The following COX10 variants were observed in gnomAD, a reference collection of about 807,000 sequenced individuals.
COX10 encodes the protein protoheme IX farnesyltransferase, mitochondrial.
In COX10, 27 loss-of-function variants were observed where a neutral mutation model predicts 37.3. The ratio of observed to expected loss-of-function variants is 0.72; its 90% CI spans 0.53 to 1.00. The LOEUF is 1.00. Ranked by LOEUF, COX10 falls within the 50% of genes least tolerant of loss-of-function variation. The pLI, the probability that COX10 is intolerant of heterozygous loss-of-function variation, is 0.00. For missense variants in COX10, 475 were observed against 563.2 expected, an observed-to-expected ratio of 0.84 and a Z score of 1.59; for synonymous variants, 222 against 229.1, an observed-to-expected ratio of 0.97 and a Z score of 0.28.
intron 4 of COX10, among the ~76,000 whole-genome samples, chr17:14,149,427 TG>T (rs1904825744): frequency 6.6e-6 from 1 of 152,180 alleles, no homozygotes; most frequent in African/African-American, 2.4e-5. Context: ...CTCACTTTTT[TG>T]TAATAAAATT....
At chr17:14,164,130 G>A (rs1269928629) in intron 5 of COX10, among the ~76,000 whole-genome samples, 1 of 152,180 alleles carries the variant, frequency 6.6e-6, no homozygotes, top group Non-Finnish European at 1.5e-5. Context: ...AAAGATAAAA[G>A]TTCTCAAGAT....
chr17:14,084,899 A>T (rs1441227689), intron 3 of COX10, among the ~76,000 whole-genome samples: 3 of 152,142 alleles, frequency 2.0e-5, no homozygotes, highest in Non-Finnish European at 2.9e-5. Flanking sequence ...ACCTCAGGTG[A>T]TCCACCTGCC....
In COX10 at chr17:14,162,739, T is replaced by C. The variant is rs571132790; in HGVS notation, c.695+2792T>C. ...TGGAAAATGTGAAGCAGTTCATATA[T>C]ACTTATTTGAAGATTTGGAGGACTT... On this transcript the variant is annotated intron_variant, in intron 5 of 6. Coordinates refer to ENST00000261643, the MANE Select transcript of COX10 (RefSeq NM_001303.4). Among the ~76,000 whole-genome samples the C allele has an allele frequency of 5.9e-5, 9 of 152,266 alleles. No individual in the cohort carries two copies. In the South Asian group the frequency reaches 1.9e-3, roughly 32 times the overall value.
chr17:14,154,379 T>A (rs1415902375), intron 4 of COX10, among the ~76,000 whole-genome samples: 1 of 152,250 alleles, frequency 6.6e-6, no homozygotes, highest in Non-Finnish European at 1.5e-5. Flanking sequence ...CATTGCTATG[T>A]TGTAAAATTA....
At chr17:14,196,190 G>C (rs1906361346) in intron 6 of COX10, among the ~76,000 whole-genome samples, 1 of 152,158 alleles carries the variant, frequency 6.6e-6, no homozygotes, top group African/African-American at 2.4e-5. Flanking sequence ...GTCAACTGGG[G>C]ACCTACTGTT....
chr17:14,096,683 G>A (rs941662512), intron 3 of COX10, among the ~76,000 whole-genome samples: 3 of 151,976 alleles, frequency 2.0e-5, no homozygotes, highest in African/African-American at 7.2e-5. Context: ...AAATTTTTTT[G>A]TTTTGTTTTG....
At chr17:14,205,082 A>G (rs896508854) in intron 6 of COX10, among the ~76,000 whole-genome samples, 13 of 152,128 alleles carry the variant, frequency 8.5e-5, no homozygotes, top group Non-Finnish European at 1.6e-4. Flanking sequence ...ACTCCAGCCA[A>G]CCTTGTCCTG....
At chr17:14,085,698 C>A (rs551217841) in intron 3 of COX10, among the ~76,000 whole-genome samples, 29 of 152,096 alleles carry the variant, frequency 1.9e-4, no homozygotes, top group Admixed American at 1.8e-3. Flanking sequence ...AATAAATAAG[C>A]TAAATCTATA....
At chr17:14,123,962 T>G (rs1916280773) in intron 4 of COX10, among the ~76,000 whole-genome samples, 1 of 152,184 alleles carries the variant, frequency 6.6e-6, no homozygotes, top group East Asian at 1.9e-4. Context: ...TCCATATTAG[T>G]AGTACCCAGC....
chr17:14,121,432 A>G (rs951166615), intron 4 of COX10, among the ~76,000 whole-genome samples: 2 of 152,208 alleles, frequency 1.3e-5, no homozygotes, highest in African/African-American at 2.4e-5. Context: ...CCTAATAATT[A>G]AAGTGACAAT....
intron 5 of COX10, among the ~76,000 whole-genome samples, chr17:14,168,321 A>G (rs1905350291): frequency 6.6e-6 from 1 of 152,332 alleles, no homozygotes; most frequent in East Asian, 1.9e-4. Flanking sequence ...TACAGCCCTC[A>G]TGGCTGCTTT....
intron 5 of COX10, among the ~76,000 whole-genome samples, chr17:14,168,050 T>C (rs1387785554): frequency 6.6e-6 from 1 of 152,176 alleles, no homozygotes; most frequent in Non-Finnish European, 1.5e-5. Flanking sequence ...TATGAGCCTA[T>C]AAATTCAAAA....
chr17:14,185,773 C>A (rs1388524156), intron 5 of COX10, among the ~76,000 whole-genome samples: 1 of 148,380 alleles, frequency 6.7e-6, no homozygotes, highest in Non-Finnish European at 1.5e-5. Context: ...TTTCCTCTGC[C>A]TTATTTCAAA....
At chr17:14,137,678 A>T (rs1214455972) in intron 4 of COX10, among the ~76,000 whole-genome samples, 3 of 144,484 alleles carry the variant, frequency 2.1e-5, no homozygotes, top group Non-Finnish European at 3.1e-5. Context: ...TTTCCGACTC[A>T]TATATAGGCT....
intron 3 of COX10, among the ~76,000 whole-genome samples, chr17:14,095,896 G>T (rs1035939169): frequency 6.6e-6 from 1 of 152,140 alleles, no homozygotes; most frequent in African/African-American, 2.4e-5. Context: ...GTGGAGGTTT[G>T]CTTTCTTCTC....
intron 4 of COX10, among the ~76,000 whole-genome samples, chr17:14,104,652 T>C: frequency 6.6e-6 from 1 of 152,244 alleles, no homozygotes. Context: ...ATTTTGTATT[T>C]ATTAATATTT....
rs139528282 is a variant in COX10, at chr17:14,191,857, C to A, written c.696-132C>A. 0.017 allele frequency: 14,785 copies of A among 882,120 alleles called. 138 individuals carry two copies. The highest frequency in any genetic ancestry group is 0.034 in the African/African-American group (2,069 of 61,088). 54.6% of individuals were successfully genotyped at this position (882,120 alleles called of 1,614,324 possible). ...GTTTCATAAAGAGGATTCCCCATAT[C>A]CAGGAATCAGCCAGATCAGTACTGC... On this transcript the variant is annotated intron_variant, in intron 5 of 6. Transcript: ENST00000261643.
chr17:14,076,839 A>G lies in COX10; in HGVS notation c.282A>G (p.Ala94=), dbSNP rs139865993. The change falls in exon 3 of 7, where the codon GCA becomes GCG. Residue 94 remains alanine (A), a synonymous_variant. Coordinates refer to ENST00000261643, the MANE Select transcript of COX10 (RefSeq NM_001303.4). ...LEKTSSGQAK[A]EIYEMRPLSP... ...AAACATCTTCAGGTCAAGCCAAAGC[A>G]GAAATATATGAGATGAGACCTCTCT... is the stretch of plus-strand genomic sequence containing the variant. The G allele has an allele frequency of 1.4e-5, 22 of 1,614,110 alleles. No individual in the cohort carries two copies. In the African/African-American group the frequency reaches 2.8e-4, roughly 21 times the overall value.
chr17:14,075,109 C>T (rs757943345), intron 2 of COX10, among the ~76,000 whole-genome samples: 2 of 152,132 alleles, frequency 1.3e-5, no homozygotes, highest in African/African-American at 2.4e-5. Context: ...GAACGGCAGA[C>T]TTATAATTTA....
Sources: gnomAD v4.1 joint callset for allele counts (sites outside exome capture counted in the v4.1 genomes callset) on GRCh38, gnomAD v4.1.1 for gene constraint, MANE v1.5 for transcripts, NCBI Gene and HGNC (gene_info 2026-07-23, HGNC 2026-07-21) for gene names.